The following RNF150 variants were observed in gnomAD, a reference collection of about 807,000 sequenced individuals.
The protein encoded by RNF150 is ring finger protein 150.
Under a neutral mutation model 39.3 loss-of-function variants are expected in RNF150, and 24 were observed. That is an observed-to-expected ratio of 0.61 (90% confidence interval 0.44 to 0.86). The LOEUF (loss-of-function observed/expected upper bound fraction) is 0.86. Among genes scored for constraint, RNF150 ranks in the 40% least tolerant of loss-of-function variants. The probability of loss-of-function intolerance (pLI) is 0.00; values close to 1 mark genes in which losing one functional copy is unlikely to be tolerated. For missense variants in RNF150, 502 were observed against 587.8 expected, an observed-to-expected ratio of 0.85 and a Z score of 1.51; for synonymous variants, 255 against 227.3, an observed-to-expected ratio of 1.12 and a Z score of -1.10.
At chr4:141,003,566 TACACACACACACACACACACAC>T (rs70946725) in intron 1 of RNF150, among the ~76,000 whole-genome samples, 1 of 142,458 alleles carries the variant, frequency 7.0e-6, no homozygotes, top group African/African-American at 2.7e-5. Flanking sequence ...CCCTAGCACG[TACACACACACACACACACACAC>T]ACACACACAC....
chr4:140,919,616 G>T (rs1161049990), intron 5 of RNF150, among the ~76,000 whole-genome samples: 2 of 144,080 alleles, frequency 1.4e-5, no homozygotes, highest in Non-Finnish European at 3.1e-5. Context: ...ACTGCCCAAG[G>T]TAATTTATAG....
chr4:140,967,894 A>C lies in RNF150; in HGVS notation c.485-21T>G, dbSNP rs770628527. ...TACACCTGTGGTAAGAGGGGAAGGA[A>C]GGGGCAATAAAGGTTAGGGGATAAG... On this transcript the variant is annotated intron_variant, in intron 1 of 6. Coordinates refer to ENST00000515673, the MANE Select transcript of RNF150 (RefSeq NM_020724.2). The C allele has an allele frequency of 2.5e-6, 4 of 1,610,076 alleles. No individual in the cohort carries two copies. In the Admixed American group the frequency reaches 6.7e-5, roughly 27 times the overall value.
intron 1 of RNF150, among the ~76,000 whole-genome samples, chr4:141,066,794 A>G (rs1466305221): frequency 2.0e-5 from 3 of 152,198 alleles, no homozygotes; most frequent in Admixed American, 2.0e-4. Context: ...TTTTTAAATA[A>G]CTTCAGATTA....
At chr4:141,091,639 G>GA (rs1432959736) in intron 1 of RNF150, among the ~76,000 whole-genome samples, 3 of 152,160 alleles carry the variant, frequency 2.0e-5, no homozygotes, top group African/African-American at 7.2e-5. Flanking sequence ...ACAGGAGGGG[G>GA]ATCAAGTGTT....
rs1730203305 is a variant in RNF150, at chr4:140,901,942, C to A, written c.1198+9202G>T. Reference sequence around the variant, plus strand: ...GCTTAAAATGCTTCTGTGTAAAGAGCCAGATGGGAGTGGGGAAGAGGCAGG... The same window carrying A: ...GCTTAAAATGCTTCTGTGTAAAGAGACAGATGGGAGTGGGGAAGAGGCAGG... On this transcript the variant is annotated intron_variant, in intron 6 of 6. Coordinates refer to ENST00000515673, the MANE Select transcript of RNF150 (RefSeq NM_020724.2). Among the ~76,000 whole-genome samples, 3 of 152,032 alleles carry A rather than the reference C, an allele frequency of 2.0e-5. No individual in the cohort carries two copies. In the South Asian group the frequency reaches 6.2e-4, roughly 32 times the overall value.
intron 1 of RNF150, among the ~76,000 whole-genome samples, chr4:141,148,344 A>G (rs1260071465): frequency 6.6e-6 from 1 of 152,222 alleles, no homozygotes; most frequent in Non-Finnish European, 1.5e-5. Context: ...TCATGTAAGC[A>G]TTTTATTGAA....
chr4:140,935,663 G>A (rs1033857587), intron 4 of RNF150, among the ~76,000 whole-genome samples: 2 of 152,056 alleles, frequency 1.3e-5, no homozygotes, highest in African/African-American at 4.8e-5. Context: ...AAAGAAAAAC[G>A]ATAAGAAAAC....
At chr4:141,075,384 T>C (rs116026110) in intron 1 of RNF150, among the ~76,000 whole-genome samples, 1,965 of 152,326 alleles carry the variant, frequency 0.013, 55 homozygotes, top group African/African-American at 0.045. Context: ...AGTTGGCCAA[T>C]TAAGGAAAGC....
chr4:140,871,004 A>G (rs12641045), intron 6 of RNF150, among the ~76,000 whole-genome samples: 1 of 120,704 alleles, frequency 8.3e-6, no homozygotes, highest in East Asian at 3.2e-4. Flanking sequence ...CTCTCTCTCT[A>G]TATATATATA....
intron 1 of RNF150, among the ~76,000 whole-genome samples, chr4:141,068,452 G>T (rs1214354444): frequency 6.6e-6 from 1 of 152,112 alleles, no homozygotes; most frequent in Non-Finnish European, 1.5e-5. Flanking sequence ...TGCTGTTTTG[G>T]TTACTGTAGC....
At chr4:141,158,297 A>G (rs1288635508) in intron 1 of RNF150, among the ~76,000 whole-genome samples, 1 of 152,126 alleles carries the variant, frequency 6.6e-6, no homozygotes, top group Non-Finnish European at 1.5e-5. Flanking sequence ...TCCAAAAACA[A>G]AAACAAAAAC....
intron 1 of RNF150, among the ~76,000 whole-genome samples, chr4:141,160,024 G>GC (rs1392969511): frequency 1.3e-5 from 2 of 151,988 alleles, no homozygotes; most frequent in Non-Finnish European, 2.9e-5. Context: ...TAGAAGCTCT[G>GC]CCCCAGGTCA....
chr4:140,876,982 G>A (rs1019005333), intron 6 of RNF150, among the ~76,000 whole-genome samples: 1 of 152,134 alleles, frequency 6.6e-6, no homozygotes, highest in Non-Finnish European at 1.5e-5. Context: ...TTTCAGATGG[G>A]GAAGTTTAAA....
chr4:141,205,588 G>T (rs913808395), intron 1 of RNF150, among the ~76,000 whole-genome samples: 1 of 152,158 alleles, frequency 6.6e-6, no homozygotes, highest in Non-Finnish European at 1.5e-5. Context: ...GTTCATGAGT[G>T]GGTATTCATT....
chr4:141,181,999 T>C (rs1727916565), intron 1 of RNF150, among the ~76,000 whole-genome samples: 2 of 152,196 alleles, frequency 1.3e-5, no homozygotes, highest in Non-Finnish European at 2.9e-5. Flanking sequence ...AGGTCTTTCC[T>C]GTATTGATTT....
chr4:141,078,832 T>TACAC lies in RNF150; in HGVS notation c.484+53489_484+53492dup, dbSNP rs1553944695. Among the ~76,000 whole-genome samples the TACAC allele has an allele frequency of 6.8e-4, 70 of 102,830 alleles. 1 individual carries two copies. Among genetic ancestry groups the TACAC allele is most frequent in the Admixed American group, 4.1e-4 (3 of 7,400 alleles). 67.5% of individuals were successfully genotyped at this position (102,830 alleles called of 152,430 possible). On this transcript the variant is annotated intron_variant, in intron 1 of 6. Transcript: ENST00000515673. ...AAATATATATATATATATATATATA[T>TACAC]ACACACACACACACACATACATACA...
intron 1 of RNF150, among the ~76,000 whole-genome samples, chr4:140,973,679 C>A (rs1161156917): frequency 6.6e-6 from 1 of 151,882 alleles, no homozygotes; most frequent in Non-Finnish European, 1.5e-5. Flanking sequence ...GAGTTAAAGA[C>A]CAGCTTGACC....
At chr4:141,073,106 A>G (rs1027747659) in intron 1 of RNF150, among the ~76,000 whole-genome samples, 6 of 151,988 alleles carry the variant, frequency 3.9e-5, no homozygotes, top group Non-Finnish European at 5.9e-5. Flanking sequence ...TCCCAGCTAC[A>G]TCAGGTGAGC....
intron 6 of RNF150, among the ~76,000 whole-genome samples, chr4:140,887,870 T>C (rs141807006): frequency 6.6e-6 from 1 of 152,168 alleles, no homozygotes; most frequent in Non-Finnish European, 1.5e-5. Context: ...AAATATATAG[T>C]CCTCAGGAAG....
Sources: allele counts gnomAD v4.1 joint callset (sites outside exome capture counted in the v4.1 genomes callset), GRCh38; gene constraint gnomAD v4.1.1; transcripts MANE v1.5; gene names NCBI Gene and HGNC (gene_info 2026-07-23, HGNC 2026-07-21).